The following TEX46 variants were observed in gnomAD, a reference collection of about 807,000 sequenced individuals.
The protein encoded by TEX46 is testis expressed 46.
A neutral mutation model predicts 5.3 loss-of-function variants in TEX46; 6 were observed. The observed-to-expected ratio is 1.13, with a 90% CI of 0.62 to 2.23. The LOEUF is 2.23. Ranked by LOEUF, TEX46 falls within the 30% of genes most tolerant of loss-of-function variation. The probability of loss-of-function intolerance (pLI) is 0.00; values close to 1 mark genes in which losing one functional copy is unlikely to be tolerated. For missense variants in TEX46, 131 were observed against 150.9 expected (o/e 0.87, Z 0.69); for synonymous variants, 41 against 54.6 (o/e 0.75, Z 1.10).
chr1:23,012,793 C>A (rs1641371445), intron 2 of TEX46, among the ~76,000 whole-genome samples: 1 of 151,862 alleles, frequency 6.6e-6, no homozygotes, highest in Admixed American at 6.6e-5. Flanking sequence ...TCAATAGTGC[C>A]AAGGTTGAGG....
In TEX46 at chr1:23,014,212, C is replaced by A. The variant is rs961496188; in HGVS notation, c.3-167G>T. The A allele has an allele frequency of 4.0e-6, 5 of 1,246,368 alleles. No homozygotes were observed. The Admixed American group carries it at 1.3e-4, about 32-fold the overall frequency. The allele number at this position is 1,246,368 out of a possible 1,614,324, so 77.2% of individuals were successfully genotyped here. A position where few individuals can be genotyped will look rare whatever the true frequency, so the allele number is the denominator to read the frequency against. ...CCGCATAACAATAATAATAACTCCT[C>A]CTTTGTCTGAAGCACCCACTATGTG... On this transcript the variant is annotated intron_variant, in intron 1 of 2. Coordinates refer to ENST00000566855, the MANE Select transcript of TEX46 (RefSeq NM_001242521.2).
chr1:23,015,675 T>A (rs1323591935), intron 1 of TEX46, 97 bp downstream of exon 1: 1 of 652,300 alleles, frequency 1.5e-6, no homozygotes, highest in Non-Finnish European at 2.7e-6. Flanking sequence ...GGAAGGAAAT[T>A]CTAACATGTT....
In TEX46 at chr1:23,011,182, T is replaced by C. The variant is rs1641348063; in HGVS notation, c.166-81A>G. On this transcript the variant is annotated intron_variant, in intron 2 of 2. Coordinates refer to ENST00000566855, the MANE Select transcript of TEX46 (RefSeq NM_001242521.2). ...CTGTTCTTGGAGTCGTTTTCAGAAGTCTTTGGTTTCTCTTCCTCCTTTTAA... is the reference window on the plus strand; with the variant it reads ...CTGTTCTTGGAGTCGTTTTCAGAAGCCTTTGGTTTCTCTTCCTCCTTTTAA... 3.6e-6 allele frequency: 4 copies of C among 1,101,872 alleles called. No individual in the cohort carries two copies. The South Asian group carries it at 5.6e-5, about 15-fold the overall frequency. 68.3% of individuals were successfully genotyped at this position (1,101,872 alleles called of 1,614,324 possible). A position where few individuals can be genotyped will look rare whatever the true frequency, so the allele number is the denominator to read the frequency against.
chr1:23,013,180 AT>A (rs1172104220), intron 2 of TEX46, among the ~76,000 whole-genome samples: 1 of 137,426 alleles, frequency 7.3e-6, no homozygotes, highest in Non-Finnish European at 1.6e-5. Context: ...TTTGCTTTTT[AT>A]TTTTGTTTTT....
chr1:23,012,758 A>G (rs907481258), intron 2 of TEX46, among the ~76,000 whole-genome samples: 9 of 152,180 alleles, frequency 5.9e-5, no homozygotes, highest in South Asian at 2.1e-4. Flanking sequence ...GCCTCCCACA[A>G]TGGAGAATTA....
intron 1 of TEX46, among the ~76,000 whole-genome samples, chr1:23,014,507 T>G (rs1641394354): frequency 6.6e-6 from 1 of 152,140 alleles, no homozygotes; most frequent in African/African-American, 2.4e-5. Flanking sequence ...GTAATATTGA[T>G]TAGGTTTTGG....
At chr1:23,011,496 G>GGA (rs1557467495) in intron 2 of TEX46, among the ~76,000 whole-genome samples, 4 of 151,398 alleles carry the variant, frequency 2.6e-5, no homozygotes, top group Non-Finnish European at 2.9e-5. Context: ...GGGTTCAAAC[G>GGA]ATTCTTCTGC....
At chr1:23,012,118 G>A (rs1182559689) in intron 2 of TEX46, among the ~76,000 whole-genome samples, 1 of 152,072 alleles carries the variant, frequency 6.6e-6, no homozygotes, top group Non-Finnish European at 1.5e-5. Flanking sequence ...CGAAGGCCGA[G>A]GCAGGAGGAT....
In TEX46 at chr1:23,011,075, G is replaced by A. The variant is rs963796704; in HGVS notation, c.192C>T (p.Phe64=). The change falls in exon 3 of 3, where the codon TTC becomes TTT. Residue 64 remains phenylalanine, a synonymous_variant. Transcript: ENST00000566855. ...QQDEILQRLL[F]SEMKMKVLEN... is the part of the protein sequence containing the mutation. Reference sequence around the variant, plus strand: ...CTAGGACCTTCATCTTCATTTCACTGAACAACAGCCGTTGGAGGATCTCGT... The same window carrying A: ...CTAGGACCTTCATCTTCATTTCACTAAACAACAGCCGTTGGAGGATCTCGT... The A allele has an allele frequency of 6.5e-7, 1 of 1,535,966 alleles. No individual in the cohort carries two copies. The highest frequency in any genetic ancestry group is 8.7e-7 in the Non-Finnish European group (1 of 1,146,848).
chr1:23,012,538 C>G (rs1016724815), intron 2 of TEX46, among the ~76,000 whole-genome samples: 3 of 152,188 alleles, frequency 2.0e-5, no homozygotes, highest in African/African-American at 7.2e-5. Flanking sequence ...ATATCATCAC[C>G]TTAACTGTAA....
At chr1:23,014,127 C>A in intron 1 of TEX46, 82 bp from the exon 2 acceptor site, 1 of 1,465,658 alleles carries the variant, frequency 6.8e-7, no homozygotes, top group South Asian at 1.4e-5. Flanking sequence ...CCCTCCATGA[C>A]AAGAGTCACG....
intron 2 of TEX46, among the ~76,000 whole-genome samples, chr1:23,012,116 G>A (rs529590267): frequency 5.9e-5 from 9 of 152,114 alleles, no homozygotes; most frequent in East Asian, 1.9e-4. Context: ...TTCGAAGGCC[G>A]AGGCAGGAGG....
chr1:23,012,358 TA>T (rs11330715), intron 2 of TEX46, among the ~76,000 whole-genome samples: 109,135 of 141,478 alleles, frequency 0.77, 41,706 homozygotes, highest in Non-Finnish European at 0.84. Flanking sequence ...ACTAAATACA[TA>T]AAAAAAAAAA....
Position 23,010,859 on chromosome 1 carries a change from G to C in TEX46, c.*42C>G, listed in dbSNP as rs1641343345. 6.9e-7 allele frequency: 1 copy of C among 1,449,052 alleles called. No homozygotes were observed. The highest frequency in any genetic ancestry group is 9.3e-7 in the Non-Finnish European group (1 of 1,075,746). 89.8% of individuals were successfully genotyped at this position (1,449,052 alleles called of 1,614,324 possible). ...TAGGCTGTGACTGGGTTTTACTGAG[G>C]TAAAAGGTAACATCGGCAGAGGCCA... On this transcript the variant is annotated 3_prime_UTR_variant, in exon 3 of 3. Coordinates refer to ENST00000566855, the MANE Select transcript of TEX46 (RefSeq NM_001242521.2).
Position 23,014,651 on chromosome 1 carries a change from T to C in TEX46, c.3-606A>G, listed in dbSNP as rs538993191. On this transcript the variant is annotated intron_variant, in intron 1 of 2. Transcript: ENST00000566855. ...TCACTGAAGCCTCCAACTCCTGGGC[T>C]CAAGTGATCCTCCTGCCTCAGCCTC... is the stretch of plus-strand genomic sequence containing the variant. 1.1e-3 allele frequency among the ~76,000 whole-genome samples: 172 copies of C among 151,992 alleles called. 1 individual carries two copies. Among genetic ancestry groups the C allele is most frequent in the African/African-American group, 4.1e-3 (168 of 41,468 alleles).
intron 2 of TEX46, 122 bp downstream of exon 2, chr1:23,013,761 C>CCAGT (rs1557469385): frequency 1.4e-5 from 12 of 886,256 alleles, no homozygotes. Flanking sequence ...GTGGTTTAGA[C>CCAGT]CAGTCTTGGA....
Position 23,014,041 on chromosome 1 carries a change from G to C in TEX46, c.7C>G (p.Leu3Val). MSLHGILASAGTI... is the reference protein window; with the variant it reads MSVHGILASAGTI... ...CCTGCGGAGGCAAGTATCCCATGGA[G>C]ACTCCTAAAGAGAAATATCAGTTCT... The change falls in exon 2 of 3, where the codon CTC becomes GTC. Residue 3 changes from leucine to valine, a missense_variant. Physicochemically the swap from Leu to Val is conservative, Grantham distance 32. Coordinates refer to ENST00000566855, the MANE Select transcript of TEX46 (RefSeq NM_001242521.2). 2.6e-6 allele frequency: 4 copies of C among 1,535,800 alleles called. No homozygotes were observed. The highest frequency in any genetic ancestry group is 3.5e-6 in the Non-Finnish European group (4 of 1,146,726).
chr1:23,013,840 T>A, intron 2 of TEX46, 43 bp downstream of exon 2: 2 of 1,519,746 alleles, frequency 1.3e-6, no homozygotes, highest in Non-Finnish European at 1.8e-6. Flanking sequence ...GCTGCAAATA[T>A]CCCCTATCCC....
Position 23,014,023 on chromosome 1 carries a change from A to G in TEX46, c.25T>C (p.Ser9Pro). 6.5e-7 allele frequency: 1 copy of G among 1,536,074 alleles called. No homozygotes were observed. Among genetic ancestry groups the G allele is most frequent in the Non-Finnish European group, 8.7e-7 (1 of 1,146,870 alleles). Residue 9 changes from serine (S) to proline (P), a missense_variant, in exon 2 of 3, where the codon TCC becomes CCC. By Grantham distance (74) the Ser-to-Pro change is moderately conservative. Coordinates refer to ENST00000566855, the MANE Select transcript of TEX46 (RefSeq NM_001242521.2). ...GCCACTGCTCCTATGGTGCCTGCGG[A>G]GGCAAGTATCCCATGGAGACTCCTA... MSLHGILA[S>P]AGTIGAVAAW... is the part of the protein sequence containing the mutation.
Sources: allele counts gnomAD v4.1 joint callset (sites outside exome capture counted in the v4.1 genomes callset), GRCh38; gene constraint gnomAD v4.1.1; transcripts MANE v1.5; gene names NCBI Gene and HGNC (gene_info 2026-07-23, HGNC 2026-07-21).